Variants in ADGRV1 observed in about 807,000 individuals in gnomAD.
The protein encoded by ADGRV1 is adhesion G protein-coupled receptor V1, also known as G-protein coupled receptor 98.
A neutral mutation model predicts 596.2 loss-of-function variants in ADGRV1; 359 were observed. The ratio of observed to expected loss-of-function variants is 0.60; its 90% CI spans 0.55 to 0.66. ADGRV1 has a LOEUF of 0.66. Among genes scored for constraint, ADGRV1 ranks in the 30% least tolerant of loss-of-function variants. The probability of loss-of-function intolerance (pLI) is 0.00; values close to 1 mark genes in which losing one functional copy is unlikely to be tolerated. For missense variants in ADGRV1, 7,274 were observed against 7,575.6 expected (o/e 0.96, Z 1.48); for synonymous variants, 2,681 against 2,679.2 (o/e 1.00, Z -0.02).
chr5:91,049,297 T>C (rs1025376899), intron 85 of ADGRV1, among the ~76,000 whole-genome samples: 7 of 152,192 alleles, frequency 4.6e-5, no homozygotes, highest in Admixed American at 2.0e-4. Flanking sequence ...AATTCACATG[T>C]TTGTTTATGG....
chr5:91,106,846 G>T (rs1791919948), intron 87 of ADGRV1, among the ~76,000 whole-genome samples: 1 of 152,158 alleles, frequency 6.6e-6, no homozygotes, highest in South Asian at 2.1e-4. Flanking sequence ...CAGAGATAAG[G>T]CTAATGAAAG....
rs138975725 is a variant in ADGRV1, at chr5:90,810,961, A to G, written c.15701A>G (p.Lys5234Arg). The change falls in exon 74 of 90, where the codon AAG (lysine) becomes AGG (arginine). Residue 5234 changes from lysine (K) to arginine (R), a missense_variant. Lys to Arg is a conservative substitution (Grantham distance 26). Coordinates refer to ENST00000405460, the MANE Select transcript of ADGRV1 (RefSeq NM_032119.4). ...PSIVYIEEEMKNGTFNTAEVL... is the reference protein window; with the variant it reads ...PSIVYIEEEMRNGTFNTAEVL... ...ATTGTTTATATTGAAGAGGAGATGA[A>G]GAATGGCACATTCAACACTGCAGAA... 1.7e-5 allele frequency: 28 copies of G among 1,614,056 alleles called. No individual in the cohort carries two copies. The East Asian group carries it at 5.8e-4, about 33-fold the overall frequency.
At chr5:90,628,903 A>T (rs563626701) in intron 8 of ADGRV1, 71 bp downstream of exon 8, 3 of 1,384,458 alleles carry the variant, frequency 2.2e-6, no homozygotes, top group African/African-American at 2.9e-5. Flanking sequence ...ATTTGGTCAT[A>T]CACATCAACT....
At chr5:91,056,667 T>A (rs899946154) in intron 85 of ADGRV1, among the ~76,000 whole-genome samples, 7 of 152,138 alleles carry the variant, frequency 4.6e-5, no homozygotes, top group African/African-American at 1.7e-4. Flanking sequence ...TCAGCTTTGA[T>A]GATTGCTCTC....
At chr5:90,648,584 T>C (rs1768138100) in intron 17 of ADGRV1, among the ~76,000 whole-genome samples, 1 of 152,192 alleles carries the variant, frequency 6.6e-6, no homozygotes, top group Admixed American at 6.5e-5. Flanking sequence ...ACCTTGTGCC[T>C]TTTGGACTGA....
At chr5:90,841,289 C>G (rs1019031187) in intron 78 of ADGRV1, among the ~76,000 whole-genome samples, 1 of 152,074 alleles carries the variant, frequency 6.6e-6, no homozygotes, top group African/African-American at 2.4e-5. Context: ...TGGCGACTCT[C>G]CAGAAACTGG....
intron 21 of ADGRV1, among the ~76,000 whole-genome samples, chr5:90,670,588 A>G (rs116530112): frequency 0.012 from 1,778 of 152,306 alleles, 34 homozygotes; most frequent in African/African-American, 0.041. Flanking sequence ...TCTGTTGCAT[A>G]TCGGCCAGAC....
chr5:90,989,209 TCA>T lies in ADGRV1; in HGVS notation c.18152+3688_18152+3689del, dbSNP rs1378928026. On this transcript the variant is annotated intron_variant, in intron 85 of 89. Coordinates refer to ENST00000405460, the MANE Select transcript of ADGRV1 (RefSeq NM_032119.4). ...TTTCTAGTTCTAGATCCCTGAGGAA[TCA>T]TCACACTGACTTCCACAATGGTTGA... is the stretch of plus-strand genomic sequence containing the variant. Among the ~76,000 whole-genome samples, 174 of 152,106 alleles carry T rather than the reference TCA, an allele frequency of 1.1e-3. 1 individual carries two copies. In the East Asian group the frequency reaches 0.03, roughly 26 times the overall value.
intron 1 of ADGRV1, among the ~76,000 whole-genome samples, chr5:90,566,735 G>A (rs929948953): frequency 1.3e-5 from 2 of 151,706 alleles, no homozygotes; most frequent in African/African-American, 4.8e-5. Context: ...GTGTTTTTAG[G>A]ATTTTCTATA....
intron 85 of ADGRV1, among the ~76,000 whole-genome samples, chr5:90,990,450 A>C (rs1780866875): frequency 6.6e-6 from 1 of 152,200 alleles, no homozygotes; most frequent in African/African-American, 2.4e-5. Context: ...GGAAATATCT[A>C]AACTAGAAAA....
At chr5:90,634,754 T>C (rs1376493104) in intron 9 of ADGRV1, among the ~76,000 whole-genome samples, 1 of 152,196 alleles carries the variant, frequency 6.6e-6, no homozygotes, top group Non-Finnish European at 1.5e-5. Context: ...GATTTCTGTT[T>C]TGGATATTGT....
chr5:90,793,452 G>C (rs1384178333), intron 70 of ADGRV1, among the ~76,000 whole-genome samples: 1 of 152,142 alleles, frequency 6.6e-6, no homozygotes, highest in Admixed American at 6.5e-5. Flanking sequence ...TTGACAATAA[G>C]GCAGGCCAAA....
chr5:90,817,337 C>A (rs1290629475), intron 75 of ADGRV1, among the ~76,000 whole-genome samples: 3 of 151,248 alleles, frequency 2.0e-5, no homozygotes, highest in Admixed American at 1.3e-4. Flanking sequence ...GAGTAGGTTG[C>A]GAAAATTGTC....
intron 88 of ADGRV1, among the ~76,000 whole-genome samples, chr5:91,152,307 C>A (rs1372178471): frequency 6.6e-6 from 1 of 152,194 alleles, no homozygotes; most frequent in African/African-American, 2.4e-5. Context: ...TCTTTTTAAT[C>A]ATTCAATCAA....
At chr5:90,818,695 C>T (rs910419362) in intron 75 of ADGRV1, among the ~76,000 whole-genome samples, 1 of 149,620 alleles carries the variant, frequency 6.7e-6, no homozygotes, top group Non-Finnish European at 1.5e-5. Context: ...GTCTTTGGCT[C>T]TGTTTATATG....
At chr5:90,971,519 A>G (rs1778987584) in intron 84 of ADGRV1, among the ~76,000 whole-genome samples, 1 of 152,260 alleles carries the variant, frequency 6.6e-6, no homozygotes, top group Non-Finnish European at 1.5e-5. Context: ...GAAACTCTAC[A>G]AGCCAGAAGA....
At chr5:90,911,267 C>T (rs1185360785) in intron 83 of ADGRV1, among the ~76,000 whole-genome samples, 1 of 152,120 alleles carries the variant, frequency 6.6e-6, no homozygotes, top group Non-Finnish European at 1.5e-5. Context: ...TAACTTAGGT[C>T]ACTTTTTTCA....
At chr5:90,945,240 A>AT (rs370382857) in intron 83 of ADGRV1, among the ~76,000 whole-genome samples, 2,635 of 146,984 alleles carry the variant, frequency 0.018, 69 homozygotes, top group African/African-American at 0.059. Context: ...CCAAAAACAG[A>AT]TTTTTTTTTT....
intron 82 of ADGRV1, among the ~76,000 whole-genome samples, chr5:90,861,538 T>A (rs1023473931): frequency 6.6e-6 from 1 of 151,746 alleles, no homozygotes; most frequent in Non-Finnish European, 1.5e-5. Context: ...CTCGATCTCC[T>A]GACCTCGTGA....
Sources: gnomAD v4.1 joint callset for allele counts (sites outside exome capture counted in the v4.1 genomes callset) on GRCh38, gnomAD v4.1.1 for gene constraint, MANE v1.5 for transcripts, NCBI Gene and HGNC (gene_info 2026-07-23, HGNC 2026-07-21) for gene names.